Variants in NPPA observed in about 807,000 individuals in gnomAD.
The protein encoded by NPPA is natriuretic peptides A.
NPPA carries 10 observed loss-of-function variants against 12.2 expected under a neutral mutation model. The ratio of observed to expected loss-of-function variants is 0.82; its 90% CI spans 0.50 to 1.38. NPPA has a LOEUF of 1.38. NPPA is among the 40% of genes most tolerant of loss of function. The pLI is 0.00. For synonymous variants in NPPA, 85 were observed against 80.2 expected, an observed-to-expected ratio of 1.06 and a Z score of -0.32; for missense variants, 207 against 193.5, an observed-to-expected ratio of 1.07 and a Z score of -0.41.
rs61757261 is a variant in NPPA, at chr1:11,847,373, T to G, written c.190A>C (p.Ser64Arg). Residue 64 changes from serine to arginine, a missense_variant, in exon 2 of 3, where the codon AGT becomes CGT. Ser to Arg is a moderately radical substitution (Grantham distance 110). Coordinates refer to ENST00000376480, the MANE Select transcript of NPPA (RefSeq NM_006172.4). ...EDEVVPPQVLSEPNEEAGAAL... is the reference protein window; with the variant it reads ...EDEVVPPQVLREPNEEAGAAL... ...GCCCCCGCTTCTTCATTCGGCTCAC[T>G]GAGCACTTGTGGGGGCACGACCTCA... The G allele has an allele frequency of 2.5e-3, 3,991 of 1,614,004 alleles. 11 individuals are homozygous for G. Among genetic ancestry groups the G allele is most frequent in the Non-Finnish European group, 2.9e-3 (3,368 of 1,179,964 alleles).
intron 2 of NPPA, 40 bp from the exon 3 acceptor site, chr1:11,846,054 G>T: frequency 1.2e-6 from 2 of 1,612,762 alleles, no homozygotes; most frequent in Non-Finnish European, 1.7e-6. Flanking sequence ...TGGTGACCTG[G>T]CTGTCCTGGA....
chr1:11,846,916 C>G (rs1459259950), intron 2 of NPPA, among the ~76,000 whole-genome samples, 197 bp downstream of exon 2: 5 of 147,252 alleles, frequency 3.4e-5, no homozygotes, highest in African/African-American at 4.9e-5. Flanking sequence ...GCCCAGCCCC[C>G]CCCCCTTTTT....
In NPPA at chr1:11,847,262, G is replaced by A; in HGVS notation, c.301C>T (p.Pro101Ser). 1.9e-6 allele frequency: 3 copies of A among 1,613,648 alleles called. No individual in the cohort carries two copies. The highest frequency in any genetic ancestry group is 2.5e-6 in the Non-Finnish European group (3 of 1,179,692). Residue 101 changes from proline (P) to serine (S), a missense_variant, in exon 2 of 3, where the codon CCC (proline) becomes TCC (serine). By Grantham distance (74) the Pro-to-Ser change is moderately conservative (BLOSUM62 -1). Transcript: ENST00000376480. The stretch of plus-strand genomic sequence containing the variant: ...GCAGATCGATCAGAGGAGTCCCAGG[G>A]GCCCCGCCCGAGGGCACCTCCATCT... ...QRDGGALGRG[P>S]WDSSDRSALL...
chr1:11,847,468 G>A (rs1159670221), intron 1 of NPPA, 29 bp from the exon 2 acceptor site: 1 of 1,613,956 alleles, frequency 6.2e-7, no homozygotes, highest in Admixed American at 1.7e-5. Context: ...CAGGGAAAGG[G>A]ATAAACCTCA....
intron 2 of NPPA, among the ~76,000 whole-genome samples, chr1:11,846,363 A>T (rs1570551327): frequency 8.3e-6 from 1 of 119,774 alleles, no homozygotes; most frequent in East Asian, 2.6e-4. Context: ...TCTGTCGCCC[A>T]GGCTGGAGTG....
Position 11,845,812 on chromosome 1 carries a change from G to C in NPPA, c.*197C>G. The C allele has an allele frequency of 1.6e-6, 1 of 638,638 alleles. No individual in the cohort carries two copies. The highest frequency in any genetic ancestry group is 2.9e-6 in the Non-Finnish European group (1 of 348,246). The allele number at this position is 638,638 out of a possible 1,614,324, so 39.6% of individuals were successfully genotyped here. A position where few individuals can be genotyped will look rare whatever the true frequency, so the allele number is the denominator to read the frequency against. On this transcript the variant is annotated 3_prime_UTR_variant, in exon 3 of 3. Transcript: ENST00000376480. ...TTAATGCATGGGGTGGGAGAGGCGA[G>C]GAAGTCACCATCAAACCACTTTATC...
Position 11,845,992 on chromosome 1 carries a change from C to T in NPPA, c.*17G>A, listed in dbSNP as rs758222804. ...GTCCCTAGGCCCAGCCCTGCTTGTC[C>T]TCCCTGGCTGTTATCTTCAGTACTG... On this transcript the variant is annotated 3_prime_UTR_variant, in exon 3 of 3. Transcript: ENST00000376480. The T allele has an allele frequency of 2.5e-6, 4 of 1,613,812 alleles. No homozygotes were observed. Among genetic ancestry groups the T allele is most frequent in the Non-Finnish European group, 3.4e-6 (4 of 1,179,702 alleles).
Position 11,847,146 on chromosome 1 carries a change from T to C in NPPA, c.417A>G (p.Gly139=). The change falls in exon 2 of 3, where the codon GGA becomes GGG. Residue 139 remains glycine, a synonymous_variant. Transcript: ENST00000376480. ...TGTTACAGCCCAGTCCGCTCTGGGCTCCAATCCTGTCCATCCTGCCCCCGA... is the reference window on the plus strand; with the variant it reads ...TGTTACAGCCCAGTCCGCTCTGGGCCCCAATCCTGTCCATCCTGCCCCCGA... ...SCFGGRMDRI[G]AQSGLGCNSF... is the part of the protein sequence containing the mutation. The C allele has an allele frequency of 1.3e-6, 2 of 1,570,696 alleles. No homozygotes were observed. The highest frequency in any genetic ancestry group is 1.7e-6 in the Non-Finnish European group (2 of 1,156,444).
intron 2 of NPPA, among the ~76,000 whole-genome samples, 192 bp downstream of exon 2, chr1:11,846,921 C>CCCCT (rs761954482): frequency 3.2e-5 from 4 of 125,572 alleles, no homozygotes; most frequent in Non-Finnish European, 3.4e-5. Context: ...GCCCCCCCCC[C>CCCCT]TTTTTTTTTT....
chr1:11,845,941 C>T lies in NPPA; in HGVS notation c.*68G>A. 6.6e-7 allele frequency: 1 copy of T among 1,524,522 alleles called. No homozygotes were observed. The highest frequency in any genetic ancestry group is 1.1e-5 in the South Asian group (1 of 89,412). The allele number at this position is 1,524,522 out of a possible 1,614,324, so 94.4% of individuals were successfully genotyped here. On this transcript the variant is annotated 3_prime_UTR_variant, in exon 3 of 3. Transcript: ENST00000376480. ...GATGACACAAATGCAGCAGAGACCC[C>T]AGGGGACAGGAGCCTCTTGCAGTCT...
chr1:11,847,545 C>G lies in NPPA; in HGVS notation c.123+17G>C, dbSNP rs761089549. The G allele has an allele frequency of 7.9e-5, 127 of 1,614,094 alleles. 2 individuals are homozygous for G. In the Middle Eastern group the frequency reaches 4.9e-3, roughly 63 times the overall value. ...AAGCCCCCTGGCCCCAGACTGCACC[C>G]GCTTTCCTGGCCCTACCTTGAAATC... On this transcript the variant is annotated intron_variant, in intron 1 of 2. Transcript: ENST00000376480.
Position 11,847,334 on chromosome 1 carries a change from G to C in NPPA, c.229C>G (p.Leu77Val), listed in dbSNP as rs3170926. The C allele has an allele frequency of 2.5e-6, 4 of 1,613,304 alleles. No individual in the cohort carries two copies. In the African/African-American group the frequency reaches 4.0e-5, roughly 16 times the overall value. ...NEEAGAALSP[L>V]PEVPPWTGEV... ...CCGGTCCAGGGAGGCACCTCAGGGAGGGGGCTGAGAGCAGCCCCCGCTTCT... is the reference window on the plus strand; with the variant it reads ...CCGGTCCAGGGAGGCACCTCAGGGACGGGGCTGAGAGCAGCCCCCGCTTCT... The change falls in exon 2 of 3, where the codon CTC (leucine) becomes GTC (valine). Residue 77 changes from leucine to valine, a missense_variant. By Grantham distance (32) the Leu-to-Val change is conservative. Transcript: ENST00000376480.
chr1:11,847,372 C>T lies in NPPA; in HGVS notation c.191G>A (p.Ser64Asn). The part of the protein sequence containing the change: ...EDEVVPPQVL[S>N]EPNEEAGAAL... ...AGCCCCCGCTTCTTCATTCGGCTCA[C>T]TGAGCACTTGTGGGGGCACGACCTC... The change falls in exon 2 of 3, where the codon AGT (serine) becomes AAT (asparagine). Residue 64 changes from serine to asparagine, a missense_variant. Ser to Asn is a conservative substitution (Grantham distance 46). Transcript: ENST00000376480. The T allele has an allele frequency of 1.2e-6, 2 of 1,614,002 alleles. No homozygotes were observed. The highest frequency in any genetic ancestry group is 1.6e-4 in the Middle Eastern group (1 of 6,062).
At chr1:11,846,433 C>T (rs530137616) in intron 2 of NPPA, among the ~76,000 whole-genome samples, 4 of 150,992 alleles carry the variant, frequency 2.6e-5, no homozygotes, top group Non-Finnish European at 5.9e-5. Context: ...CATTCTCCTG[C>T]CTCAGCCTCC....
At position 11,847,422 on chromosome 1, in the gene NPPA, C is replaced by G; in HGVS notation, c.141G>C (p.Leu47Phe). 1 of 1,614,066 alleles carries G rather than the reference C, an allele frequency of 6.2e-7. No homozygotes were observed. Among genetic ancestry groups the G allele is most frequent in the Non-Finnish European group, 8.5e-7 (1 of 1,180,014 alleles). The change falls in exon 2 of 3, where the codon TTG becomes TTC. Residue 47 changes from leucine to phenylalanine, a missense_variant. Physicochemically the swap from Leu to Phe is conservative, Grantham distance 22. Transcript: ENST00000376480. ...CATCTTCTAAAGGCATCTTTTCTTC[C>G]AAATGGTCCAGCAAATTCTTTAGAA... ...LMDFKNLLDHLEEKMPLEDEV... is the reference protein window; with the variant it reads ...LMDFKNLLDHFEEKMPLEDEV...
At chr1:11,847,539 T>G (rs768326083) in intron 1 of NPPA, 23 bp downstream of exon 1, 31 of 1,614,088 alleles carry the variant, frequency 1.9e-5, no homozygotes, top group Admixed American at 3.3e-5. Flanking sequence ...GGCCCCAGAC[T>G]GCACCCGCTT....
intron 2 of NPPA, among the ~76,000 whole-genome samples, chr1:11,846,259 C>G (rs1645067653): frequency 6.6e-6 from 1 of 151,900 alleles, no homozygotes; most frequent in African/African-American, 2.4e-5. Flanking sequence ...TGCTAATCAG[C>G]CATGCAAAGA....
intron 2 of NPPA, among the ~76,000 whole-genome samples, chr1:11,846,234 G>A (rs1050910841): frequency 6.6e-6 from 1 of 152,074 alleles, no homozygotes; most frequent in African/African-American, 2.4e-5. Context: ...TGCAATTCTG[G>A]GGAGGAATAT....
intron 2 of NPPA, 118 bp from the exon 3 acceptor site, chr1:11,846,132 GCCCCCACCCCAGCCTGATGA>G: frequency 1.0e-6 from 1 of 959,320 alleles, no homozygotes; most frequent in Non-Finnish European, 1.7e-6. Flanking sequence ...CTTCCCACCG[GCCCCCACCCCAGCCTGATGA>G]CCCTCTGAGC....
Sources: gnomAD v4.1 joint callset for allele counts (sites outside exome capture counted in the v4.1 genomes callset) on GRCh38, gnomAD v4.1.1 for gene constraint, MANE v1.5 for transcripts, NCBI Gene and HGNC (gene_info 2026-07-23, HGNC 2026-07-21) for gene names.